The following GMPS variants were observed in gnomAD, a reference collection of about 807,000 sequenced individuals.
The protein encoded by GMPS is guanosine monophosphate synthase.
A neutral mutation model predicts 77.9 loss-of-function variants in GMPS; 15 were observed. The observed-to-expected ratio is 0.19, with a 90% CI of 0.13 to 0.30. GMPS has a LOEUF of 0.30. GMPS is among the 10% of genes least tolerant of loss of function. The probability of loss-of-function intolerance (pLI) is 1.00; values close to 1 mark genes in which losing one functional copy is unlikely to be tolerated. For missense variants in GMPS, 590 were observed against 838.8 expected (o/e 0.70, Z 3.66); for synonymous variants, 224 against 275.9 (o/e 0.81, Z 1.86).
In GMPS at chr3:155,931,752, T is replaced by A; in HGVS notation, c.1561-13T>A. ...TGACTATTAAAAATTATTGATTATCTTTTTATTTTCAGGGTGACTGTCGTT... is the reference window on the plus strand; with the variant it reads ...TGACTATTAAAAATTATTGATTATCATTTTATTTTCAGGGTGACTGTCGTT... On this transcript the variant is annotated splice_polypyrimidine_tract_variant and intron_variant, in intron 12 of 15. Transcript: ENST00000496455. 1 of 1,125,298 alleles carries A rather than the reference T, an allele frequency of 8.9e-7. No individual in the cohort carries two copies. Among genetic ancestry groups the A allele is most frequent in the Non-Finnish European group, 1.4e-6 (1 of 739,774 alleles). The allele number at this position is 1,125,298 out of a possible 1,614,324, so 69.7% of individuals were successfully genotyped here. A position where few individuals can be genotyped will look rare whatever the true frequency, so the allele number is the denominator to read the frequency against.
intron 1 of GMPS, among the ~76,000 whole-genome samples, chr3:155,883,194 C>T (rs1234379749): frequency 6.6e-6 from 1 of 152,088 alleles, no homozygotes; most frequent in Non-Finnish European, 1.5e-5. Context: ...GCCTCAGGCT[C>T]CCGAGTAACT....
intron 3 of GMPS, among the ~76,000 whole-genome samples, chr3:155,899,607 C>T (rs1754685375): frequency 6.6e-6 from 1 of 152,180 alleles, no homozygotes; most frequent in Admixed American, 6.5e-5. Flanking sequence ...TACATCAACA[C>T]ATCATTATTC....
rs557501365 is a variant in GMPS at position 155,905,236 on chromosome 3, C to T, written c.423-924C>T. Among the ~76,000 whole-genome samples, 44 of 152,188 alleles carry T rather than the reference C, an allele frequency of 2.9e-4. 1 individual carries two copies. Among genetic ancestry groups the T allele is most frequent in the African/African-American group, 1.0e-3 (42 of 41,530 alleles). ...GCCAGGCTGGTCTTGAACTCCCGAT[C>T]TCAGGTGATCTGCCTCGGCCTCCGA... On this transcript the variant is annotated intron_variant, in intron 4 of 15. Coordinates refer to ENST00000496455, the MANE Select transcript of GMPS (RefSeq NM_003875.3).
chr3:155,934,940 A>G lies in GMPS; in HGVS notation c.1701A>G (p.Pro567=), dbSNP rs1252035030. ...VNRVVYIFGP[P]VKEPPTDVTP... is the part of the protein sequence containing the mutation. ...GAGTTGTTTATATATTTGGCCCACC[A>G]GTTAAAGAACCTCCTACAGATGTTA... Residue 567 remains proline (P), a synonymous_variant, in exon 14 of 16, where the codon CCA becomes CCG. Coordinates refer to ENST00000496455, the MANE Select transcript of GMPS (RefSeq NM_003875.3). 4 of 1,586,604 alleles carry G rather than the reference A, an allele frequency of 2.5e-6. No individual in the cohort carries two copies. In the South Asian group the frequency reaches 4.4e-5, roughly 18 times the overall value.
At chr3:155,930,946 C>T (rs1217588596) in intron 12 of GMPS, among the ~76,000 whole-genome samples, 1 of 152,174 alleles carries the variant, frequency 6.6e-6, no homozygotes, top group Non-Finnish European at 1.5e-5. Context: ...TCTCAGCTTC[C>T]TGAGTAGCAG....
At chr3:155,888,945 T>G (rs770813251) in intron 1 of GMPS, among the ~76,000 whole-genome samples, 30 of 152,144 alleles carry the variant, frequency 2.0e-4, no homozygotes, top group Non-Finnish European at 3.7e-4. Flanking sequence ...GGTCTCGAAC[T>G]CATGGGCTCA....
chr3:155,916,233 GA>G, intron 9 of GMPS, 41 bp downstream of exon 9: 5 of 1,294,210 alleles, frequency 3.9e-6, no homozygotes, highest in Non-Finnish European at 4.5e-6. Flanking sequence ...TAGATACATG[GA>G]AAGTCTTCCA....
At chr3:155,934,071 T>C (rs997871058) in intron 13 of GMPS, among the ~76,000 whole-genome samples, 1 of 152,190 alleles carries the variant, frequency 6.6e-6, no homozygotes, top group Admixed American at 6.5e-5. Flanking sequence ...TCTAGAATGA[T>C]TGTTTCTCAA....
intron 13 of GMPS, among the ~76,000 whole-genome samples, chr3:155,933,244 G>A (rs1404602866): frequency 1.1e-4 from 17 of 152,192 alleles, no homozygotes; most frequent in Admixed American, 1.0e-3. Context: ...AGATTTATTT[G>A]CTGGGGTCTT....
In GMPS at chr3:155,898,147, G is replaced by A. The variant is rs139313404; in HGVS notation, c.324+106G>A. 4.5e-4 allele frequency: 328 copies of A among 724,974 alleles called. 1 individual carries two copies. The African/African-American group carries it at 4.9e-3, about 11-fold the overall frequency. 44.9% of individuals were successfully genotyped at this position (724,974 alleles called of 1,614,324 possible). ...TTAGGATATTTAGGATACTTAGTTG[G>A]ATGAGATAACTTGTGCATGTTACAA... is the stretch of plus-strand genomic sequence containing the variant. On this transcript the variant is annotated intron_variant, in intron 3 of 15. Transcript: ENST00000496455.
rs1311166245 is a variant in GMPS, at chr3:155,870,878, T to C, written c.8T>C (p.Leu3Pro). 2.0e-6 allele frequency: 3 copies of C among 1,506,972 alleles called. No individual in the cohort carries two copies. Among genetic ancestry groups the C allele is most frequent in the Non-Finnish European group, 2.7e-6 (3 of 1,131,312 alleles). 93.4% of individuals were successfully genotyped at this position (1,506,972 alleles called of 1,614,324 possible). ...GCTCCGGCCCTGGCCCCGATGGCTC[T>C]GTGCAACGGAGACTCCAAGGTCAGC... is the stretch of plus-strand genomic sequence containing the variant. MA[L>P]CNGDSKLENA... Residue 3 changes from leucine to proline, a missense_variant, in exon 1 of 16, where the codon CTG becomes CCG. Around this residue, in one of 6 missense-constraint regions of GMPS, gnomAD observed 47 missense variants for 45.5 expected, o/e 1.03. Transcript: ENST00000496455.
intron 13 of GMPS, among the ~76,000 whole-genome samples, chr3:155,933,737 C>T (rs941201017): frequency 5.8e-4 from 88 of 152,126 alleles, no homozygotes; most frequent in African/African-American, 1.9e-3. Context: ...ACAGGACTAA[C>T]GAAAAGTGAA....
chr3:155,900,278 G>C (rs1051021907), intron 3 of GMPS, among the ~76,000 whole-genome samples: 8 of 151,228 alleles, frequency 5.3e-5, no homozygotes, highest in African/African-American at 1.7e-4. Context: ...TTGATTATGA[G>C]TTTGACTTGG....
chr3:155,897,892 C>G (rs1194556793), intron 2 of GMPS, 35 bp from the exon 3 acceptor site: 2 of 1,032,490 alleles, frequency 1.9e-6, no homozygotes, highest in Non-Finnish European at 3.1e-6. Flanking sequence ...TAAAAATTAA[C>G]AGAGATTCTT....
intron 9 of GMPS, among the ~76,000 whole-genome samples, chr3:155,916,646 C>G (rs1366710343): frequency 6.6e-6 from 1 of 152,082 alleles, no homozygotes; most frequent in Non-Finnish European, 1.5e-5. Context: ...GGGTATAATG[C>G]ATTGTATTTA....
rs745533458 is a variant in GMPS, at chr3:155,940,294, A to G, written c.*2602A>G. Reference sequence around the variant, plus strand: ...CAGTCCTGCCTTAAAGGCCACATCTATGATCATCAGCTCTGTTAGAAATAA... The same window carrying G: ...CAGTCCTGCCTTAAAGGCCACATCTGTGATCATCAGCTCTGTTAGAAATAA... On this transcript the variant is annotated 3_prime_UTR_variant, in exon 16 of 16. Transcript: ENST00000496455. 1.2e-4 allele frequency: 24 copies of G among 202,740 alleles called. No individual in the cohort carries two copies. Among genetic ancestry groups the G allele is most frequent in the Non-Finnish European group, 2.1e-4 (21 of 98,876 alleles). The allele number at this position is 202,740 out of a possible 1,614,324, so 12.6% of individuals were successfully genotyped here.
chr3:155,930,050 A>C (rs1296155409), intron 12 of GMPS, among the ~76,000 whole-genome samples: 2 of 148,120 alleles, frequency 1.4e-5, no homozygotes, highest in African/African-American at 4.9e-5. Context: ...CCGCATCGCC[A>C]AGTCAATCCT....
intron 1 of GMPS, among the ~76,000 whole-genome samples, chr3:155,874,977 G>A (rs1754008652): frequency 7.5e-6 from 1 of 134,184 alleles, no homozygotes; most frequent in Non-Finnish European, 1.5e-5. Context: ...GCATGATCTC[G>A]GCTCACTGCA....
intron 3 of GMPS, among the ~76,000 whole-genome samples, chr3:155,902,392 A>G (rs943211179): frequency 6.6e-6 from 1 of 152,148 alleles, no homozygotes; most frequent in Admixed American, 6.5e-5. Context: ...CTGTTTTTGC[A>G]TGACCTGCAA....
Sources: gnomAD v4.1 joint callset for allele counts (sites outside exome capture counted in the v4.1 genomes callset) on GRCh38, gnomAD v4.1.1 for gene constraint, gnomAD v4.1.1 regional missense constraint, MANE v1.5 for transcripts, NCBI Gene and HGNC (gene_info 2026-07-23, HGNC 2026-07-21) for gene names.